FGGY: variants seen among roughly 807,000 people sequenced by gnomAD.
FGGY encodes the protein FGGY carbohydrate kinase domain containing, also known as FGGY carbohydrate kinase domain-containing protein.
Under a neutral mutation model 71.3 loss-of-function variants are expected in FGGY, and 72 were observed. That is an observed-to-expected ratio of 1.01 (90% CI 0.84 to 1.23). The LOEUF is 1.23. Among genes scored for constraint, FGGY ranks in the 50% most tolerant of loss-of-function variants. The pLI is 0.00. For synonymous variants in FGGY, 251 were observed against 250.3 expected, an observed-to-expected ratio of 1.00 and a Z score of -0.02; for missense variants, 668 against 682.3, an observed-to-expected ratio of 0.98 and a Z score of 0.23.
At chr1:59,743,937 C>T (rs911153446) in intron 14 of FGGY, among the ~76,000 whole-genome samples, 10 of 152,214 alleles carry the variant, frequency 6.6e-5, no homozygotes, top group Non-Finnish European at 1.2e-4. Context: ...TATCACTCCC[C>T]TGCCCAGGCA....
intron 8 of FGGY, among the ~76,000 whole-genome samples, chr1:59,566,253 C>T (rs1028892381): frequency 6.6e-6 from 1 of 152,008 alleles, no homozygotes; most frequent in African/African-American, 2.4e-5. Context: ...CATTGGGTCC[C>T]GTGCCAAGTG....
chr1:59,573,324 A>T (rs1170910671), intron 8 of FGGY, among the ~76,000 whole-genome samples: 2 of 152,182 alleles, frequency 1.3e-5, no homozygotes, highest in Non-Finnish European at 2.9e-5. Flanking sequence ...TTATGGATAT[A>T]TAAGAGAATA....
chr1:59,357,877 TG>T (rs1210506580), intron 4 of FGGY, among the ~76,000 whole-genome samples: 5 of 152,224 alleles, frequency 3.3e-5, no homozygotes, highest in African/African-American at 1.2e-4. Context: ...TGTGCAGGGA[TG>T]TTGGCCACCT....
chr1:59,536,047 G>T (rs140593211), intron 7 of FGGY, among the ~76,000 whole-genome samples: 3 of 150,778 alleles, frequency 2.0e-5, no homozygotes, highest in Non-Finnish European at 4.4e-5. Flanking sequence ...TCCAGGAGCT[G>T]GTTTTTTGAA....
At chr1:59,659,524 C>T (rs558487162) in intron 11 of FGGY, among the ~76,000 whole-genome samples, 1 of 152,258 alleles carries the variant, frequency 6.6e-6, no homozygotes, top group East Asian at 1.9e-4. Flanking sequence ...GCTTGAAGAA[C>T]CCAGCAGCCC....
At chr1:59,477,995 C>T (rs2093334737) in intron 6 of FGGY, among the ~76,000 whole-genome samples, 1 of 152,084 alleles carries the variant, frequency 6.6e-6, no homozygotes. Context: ...AGTTTTGGAG[C>T]CAGATATACA....
intron 5 of FGGY, among the ~76,000 whole-genome samples, chr1:59,437,676 C>A (rs1320196323): frequency 6.6e-6 from 1 of 152,208 alleles, no homozygotes; most frequent in Non-Finnish European, 1.5e-5. Flanking sequence ...TCAGTGATTG[C>A]TATAGTCCCC....
At chr1:59,568,953 G>A (rs1183964846) in intron 8 of FGGY, among the ~76,000 whole-genome samples, 1 of 151,786 alleles carries the variant, frequency 6.6e-6, no homozygotes, top group East Asian at 1.9e-4. Context: ...ACAAGTTCAA[G>A]GATATAAAAT....
chr1:59,485,812 AC>A (rs36100722), intron 6 of FGGY, among the ~76,000 whole-genome samples: 1 of 152,122 alleles, frequency 6.6e-6, no homozygotes, highest in African/African-American at 2.4e-5. Flanking sequence ...TAAGAGACTT[AC>A]CCCCATTTTA....
intron 10 of FGGY, among the ~76,000 whole-genome samples, chr1:59,630,130 A>G (rs2096895081): frequency 6.6e-6 from 1 of 152,178 alleles, no homozygotes; most frequent in Non-Finnish European, 1.5e-5. Context: ...AAAGCCCCTT[A>G]TAAAACCATC....
intron 11 of FGGY, among the ~76,000 whole-genome samples, chr1:59,657,070 A>G (rs2097225320): frequency 6.6e-6 from 1 of 152,202 alleles, no homozygotes; most frequent in Non-Finnish European, 1.5e-5. Context: ...GGATTAAGGA[A>G]GTTAAATCCA....
At chr1:59,573,258 A>G (rs142755032) in intron 8 of FGGY, among the ~76,000 whole-genome samples, 1 of 152,320 alleles carries the variant, frequency 6.6e-6, no homozygotes, top group East Asian at 1.9e-4. Flanking sequence ...ACATTCTAAT[A>G]AGATCAGTAG....
At chr1:59,410,177 T>C (rs908572034) in intron 5 of FGGY, among the ~76,000 whole-genome samples, 2 of 152,242 alleles carry the variant, frequency 1.3e-5, no homozygotes, top group Non-Finnish European at 2.9e-5. Context: ...TCTAGCATTA[T>C]AGGTATTTAA....
At chr1:59,596,411 T>G in intron 8 of FGGY, among the ~76,000 whole-genome samples, 1 of 151,780 alleles carries the variant, frequency 6.6e-6, no homozygotes, top group Non-Finnish European at 1.5e-5. Context: ...GAAGGTGCTG[T>G]CTGCCTGCTA....
In FGGY at chr1:59,687,931, TCTC is replaced by T. The variant is rs576863559; in HGVS notation, c.1512+13805_1512+13807del. On this transcript the variant is annotated intron_variant, in intron 14 of 15. Transcript: ENST00000303721. ...AGGTAGTCCTTATAGAGAATTCACT[TCTC>T]CTCCTCTCCCTGTTGGAGTGAGCCA... Among the ~76,000 whole-genome samples, 193 of 152,276 alleles carry T rather than the reference TCTC, an allele frequency of 1.3e-3. 1 individual carries two copies. Among genetic ancestry groups the T allele is most frequent in the African/African-American group, 4.5e-3 (187 of 41,554 alleles).
chr1:59,387,775 C>G (rs1434373583), intron 5 of FGGY, among the ~76,000 whole-genome samples: 2 of 152,114 alleles, frequency 1.3e-5, no homozygotes, highest in African/African-American at 4.8e-5. Flanking sequence ...TTTGCTGAAC[C>G]ATTTGTAAAT....
At chr1:59,620,263 C>T (rs2096794888) in intron 9 of FGGY, among the ~76,000 whole-genome samples, 1 of 151,958 alleles carries the variant, frequency 6.6e-6, no homozygotes. Flanking sequence ...TCCCCTCTCT[C>T]CTCACATCTA....
At chr1:59,353,893 A>G (rs1194730044) in intron 4 of FGGY, among the ~76,000 whole-genome samples, 1 of 152,170 alleles carries the variant, frequency 6.6e-6, no homozygotes, top group African/African-American at 2.4e-5. Flanking sequence ...TGCCACCAAG[A>G]AATTACAGTC....
intron 14 of FGGY, among the ~76,000 whole-genome samples, chr1:59,680,525 A>G (rs1037842994): frequency 6.6e-6 from 1 of 151,066 alleles, no homozygotes; most frequent in Admixed American, 6.6e-5. Context: ...AAAATAGATC[A>G]GGTTCTGATT....
Sources: gnomAD v4.1 joint callset for allele counts (sites outside exome capture counted in the v4.1 genomes callset) on GRCh38, gnomAD v4.1.1 for gene constraint, MANE v1.5 for transcripts, NCBI Gene and HGNC (gene_info 2026-07-23, HGNC 2026-07-21) for gene names.